The following ZHX3 variants were observed in gnomAD, a reference collection of about 807,000 sequenced individuals.
ZHX3 encodes the protein zinc fingers and homeoboxes 3.
In ZHX3, 20 loss-of-function variants were observed where a neutral mutation model predicts 64.5. The observed-to-expected ratio is 0.31, with a 90% CI of 0.22 to 0.45. The LOEUF is 0.45. Among genes scored for constraint, ZHX3 ranks in the 20% least tolerant of loss-of-function variants. The pLI, the probability that ZHX3 is intolerant of heterozygous loss-of-function variation, is 1.00. For synonymous variants in ZHX3, 423 were observed against 461.6 expected (o/e 0.92, Z 1.07); for missense variants, 1,041 against 1,195.8 (o/e 0.87, Z 1.91).
At chr20:41,231,441 C>T (rs2040599476) in intron 2 of ZHX3, among the ~76,000 whole-genome samples, 1 of 152,166 alleles carries the variant, frequency 6.6e-6, no homozygotes, top group Admixed American at 6.5e-5. Context: ...TTTTCTTTAA[C>T]CCCCTCCCTC....
intron 2 of ZHX3, among the ~76,000 whole-genome samples, chr20:41,210,393 C>T (rs1031006004): frequency 2.0e-5 from 3 of 152,162 alleles, no homozygotes; most frequent in African/African-American, 7.2e-5. Flanking sequence ...AAGACACATG[C>T]ACACGTATGT....
At chr20:41,245,450 G>C in intron 2 of ZHX3, among the ~76,000 whole-genome samples, 1 of 152,224 alleles carries the variant, frequency 6.6e-6, no homozygotes, top group Non-Finnish European at 1.5e-5. Flanking sequence ...TGAGTTCTGT[G>C]ACTCTAGTAT....
In ZHX3 at chr20:41,226,706, TTCC is replaced by T. The variant is rs2040296505; in HGVS notation, c.-150-21643_-150-21641del. Among the ~76,000 whole-genome samples the T allele has an allele frequency of 6.6e-6, 1 of 152,338 alleles. No homozygotes were observed. Among genetic ancestry groups the T allele is most frequent in the Admixed American group, 6.5e-5 (1 of 15,308 alleles). On this transcript the variant is annotated intron_variant, in intron 2 of 3. Coordinates refer to ENST00000683867, the MANE Select transcript of ZHX3 (RefSeq NM_001384317.1). The surrounding 1 kb of genome is among the most constrained non-coding windows in gnomAD (Gnocchi z 4.4). ...CTAGTCCTTTCTGATAACCTCCTGGTTCCTCTATTTTCAAGTGAATTCAACAGG... is the reference window on the plus strand; with the variant it reads ...CTAGTCCTTTCTGATAACCTCCTGGTTCTATTTTCAAGTGAATTCAACAGG...
chr20:41,194,586 G>C (rs2037326165), intron 3 of ZHX3, among the ~76,000 whole-genome samples: 2 of 152,146 alleles, frequency 1.3e-5, no homozygotes, highest in African/African-American at 4.8e-5. Context: ...GACCTCATGA[G>C]TTAAGAAGTG....
Position 41,226,536 on chromosome 20 carries a change from TA to T in ZHX3, c.-150-21471del, listed in dbSNP as rs2040283360. ...AATATCTCTTTGGGATCTTATTTTT[TA>T]TTCTTTTGGGTATACACTTTTTCTT... On this transcript the variant is annotated intron_variant, in intron 2 of 3. Transcript: ENST00000683867. The surrounding 1 kb of genome is among the most constrained non-coding windows in gnomAD (Gnocchi z 4.4). Among the ~76,000 whole-genome samples the T allele has an allele frequency of 6.6e-6, 1 of 152,196 alleles. No individual in the cohort carries two copies. Among genetic ancestry groups the T allele is most frequent in the Admixed American group, 6.5e-5 (1 of 15,282 alleles).
chr20:41,262,551 T>TTC (rs773579804), intron 2 of ZHX3, among the ~76,000 whole-genome samples: 39 of 151,704 alleles, frequency 2.6e-4, no homozygotes, highest in African/African-American at 8.9e-4. Context: ...CCCTCTCTCT[T>TTC]TCTCTCTCTC....
chr20:41,250,722 G>T (rs1407191814), intron 2 of ZHX3, among the ~76,000 whole-genome samples: 1 of 152,180 alleles, frequency 6.6e-6, no homozygotes, highest in Non-Finnish European at 1.5e-5. Flanking sequence ...TAAACTCAAA[G>T]AAATCCACAC....
rs548217060 is a variant in ZHX3 at position 41,232,593 on chromosome 20, ATTC to A, written c.-150-27530_-150-27528del. The stretch of plus-strand genomic sequence containing the variant: ...CATAGCTGTCTTCTAATCTAGGAAA[ATTC>A]TTCTTTTTTTTTTGAGACGGAGTCT... On this transcript the variant is annotated intron_variant, in intron 2 of 3. Coordinates refer to ENST00000683867, the MANE Select transcript of ZHX3 (RefSeq NM_001384317.1). The surrounding 1 kb of genome is among the most constrained non-coding windows in gnomAD (Gnocchi z 5.0). Among the ~76,000 whole-genome samples, 264 of 152,170 alleles carry A rather than the reference ATTC, an allele frequency of 1.7e-3. 1 individual carries two copies. Among genetic ancestry groups the A allele is most frequent in the African/African-American group, 5.6e-3 (232 of 41,518 alleles).
chr20:41,189,036 C>A (rs1271114358), intron 3 of ZHX3, among the ~76,000 whole-genome samples: 1 of 152,056 alleles, frequency 6.6e-6, no homozygotes, highest in East Asian at 1.9e-4. Flanking sequence ...AGATACAGGT[C>A]CAGTTTTATT....
intron 1 of ZHX3, chr20:41,290,204 T>G (rs986105240): frequency 6.6e-6 from 1 of 152,242 alleles, no homozygotes. Flanking sequence ...CCAGGTACTA[T>G]GCTTGAAACC....
At position 41,226,956 on chromosome 20, in the gene ZHX3, T is replaced by C. The variant is rs1391535960; in HGVS notation, c.-150-21890A>G. ...CCAGGACAGTTTCTAAAATGTTTCC[T>C]TTATGAGTACTGTTTTGAATGCTGT... is the stretch of plus-strand genomic sequence containing the variant. On this transcript the variant is annotated intron_variant, in intron 2 of 3. Coordinates refer to ENST00000683867, the MANE Select transcript of ZHX3 (RefSeq NM_001384317.1). The surrounding 1 kb of genome is among the most constrained non-coding windows in gnomAD (Gnocchi z 4.4). Among the ~76,000 whole-genome samples the C allele has an allele frequency of 6.6e-6, 1 of 152,190 alleles. No individual in the cohort carries two copies. Among genetic ancestry groups the C allele is most frequent in the Non-Finnish European group, 1.5e-5 (1 of 68,028 alleles).
At chr20:41,237,899 G>A (rs554823551) in intron 2 of ZHX3, among the ~76,000 whole-genome samples, 1 of 152,310 alleles carries the variant, frequency 6.6e-6, no homozygotes, top group South Asian at 2.1e-4. Flanking sequence ...GGTTCCAGAT[G>A]TCAACTTACA....
At chr20:41,289,609 T>G (rs933119183) in intron 1 of ZHX3, among the ~76,000 whole-genome samples, 2 of 152,224 alleles carry the variant, frequency 1.3e-5, no homozygotes, top group African/African-American at 4.8e-5. Context: ...CTTATTGTAC[T>G]AATAAAACGT....
chr20:41,225,760 T>A (rs956143667), intron 2 of ZHX3, among the ~76,000 whole-genome samples: 6 of 152,116 alleles, frequency 3.9e-5, no homozygotes, highest in African/African-American at 1.4e-4. Flanking sequence ...AGTGCTGGGA[T>A]TACAGGCGTG....
At chr20:41,230,193 A>ATT (rs559422577) in intron 2 of ZHX3, among the ~76,000 whole-genome samples, 1 of 147,036 alleles carries the variant, frequency 6.8e-6, no homozygotes, top group Non-Finnish European at 1.5e-5. Flanking sequence ...ATATTCTTAG[A>ATT]TTTTTTTTTT....
chr20:41,196,105 T>C (rs2037462641), intron 3 of ZHX3, among the ~76,000 whole-genome samples: 1 of 151,166 alleles, frequency 6.6e-6, no homozygotes, highest in South Asian at 2.1e-4. Context: ...TGGTCTAATT[T>C]GCTTAGAGTG....
At position 41,202,733 on chromosome 20, in the gene ZHX3, G is replaced by A. The variant is rs866372107; in HGVS notation, c.2184C>T (p.Asn728=). The part of the protein sequence containing the change: ...AERKVSPIKI[N]LKNLRVTEAN... ...CTTCAGTGACCCTCAGGTTCTTCAG[G>A]TTGATTTTAATGGGGCTGACTTTGC... Residue 728 remains asparagine (N), a synonymous_variant, in exon 3 of 4, where the codon AAC becomes AAT. Transcript: ENST00000683867. This position sits in a 1 kb window ranked among gnomAD's most constrained non-coding sequence, Gnocchi z 7.0. The A allele has an allele frequency of 6.2e-7, 1 of 1,614,054 alleles. No individual in the cohort carries two copies. Among genetic ancestry groups the A allele is most frequent in the Non-Finnish European group, 8.5e-7 (1 of 1,180,020 alleles).
intron 2 of ZHX3, among the ~76,000 whole-genome samples, chr20:41,241,995 G>A (rs1253400833): frequency 1.4e-4 from 21 of 152,052 alleles, no homozygotes; most frequent in African/African-American, 4.8e-4. Context: ...GTGCATGTGT[G>A]TGTGTGTACA....
intron 1 of ZHX3, among the ~76,000 whole-genome samples, chr20:41,270,643 T>A (rs1411076726): frequency 2.7e-5 from 4 of 150,062 alleles, no homozygotes; most frequent in African/African-American, 9.9e-5. Context: ...ACCACTGTAC[T>A]CCAGCCTGGT....
Sources: allele counts gnomAD v4.1 joint callset (sites outside exome capture counted in the v4.1 genomes callset), GRCh38; gene constraint gnomAD v4.1.1; non-coding constraint Gnocchi (gnomAD v3.1); transcripts MANE v1.5; gene names NCBI Gene and HGNC (gene_info 2026-07-23, HGNC 2026-07-21).